Variants in NBEAL2 observed in about 807,000 individuals in gnomAD.
The protein encoded by NBEAL2 is neurobeachin-like protein 2.
NBEAL2 carries 160 observed loss-of-function variants against 299.8 expected under a neutral mutation model. The ratio of observed to expected loss-of-function variants is 0.53; its 90% confidence interval spans 0.47 to 0.61. NBEAL2 has a LOEUF of 0.61. Ranked by LOEUF, NBEAL2 falls within the 20% of genes least tolerant of loss-of-function variation. The pLI is 0.00. For missense variants in NBEAL2, 3,112 were observed against 3,649.0 expected, an observed-to-expected ratio of 0.85 and a Z score of 3.79; for synonymous variants, 1,493 against 1,542.3, an observed-to-expected ratio of 0.97 and a Z score of 0.75.
At position 46,995,047 on chromosome 3, in the gene NBEAL2, C is replaced by G; in HGVS notation, c.1312C>G (p.His438Asp). The change falls in exon 13 of 54, where the codon CAC becomes GAC. Residue 438 changes from histidine to aspartate, a missense_variant. Around this residue, in one of 3 missense-constraint regions of NBEAL2, gnomAD observed 2,243 missense variants for 2,538.1 expected, o/e 0.88. Coordinates refer to ENST00000450053, the MANE Select transcript of NBEAL2 (RefSeq NM_015175.3). ...CCACCCACAGGCTGTGGAGGGTGAC[C>G]ACAGCATGTGCCCACCTCCACCAAT... ...ELLNMAVEGD[H>D]SMCPPPPIRN... is the part of the protein sequence containing the mutation. The G allele has an allele frequency of 6.5e-7, 1 of 1,547,484 alleles. No homozygotes were observed. Among genetic ancestry groups the G allele is most frequent in the Non-Finnish European group, 8.8e-7 (1 of 1,140,342 alleles).
At chr3:46,992,935 C>T (rs1046445348) in intron 10 of NBEAL2, among the ~76,000 whole-genome samples, 4 of 152,206 alleles carry the variant, frequency 2.6e-5, no homozygotes, top group Non-Finnish European at 5.9e-5. Flanking sequence ...GATTCTTGCA[C>T]CCACCCTCAG....
rs528281960 is a variant in NBEAL2, at chr3:47,008,314, G to A, written c.7751G>A (p.Arg2584His). 1.6e-5 allele frequency: 26 copies of A among 1,613,210 alleles called. No homozygotes were observed. The highest frequency in any genetic ancestry group is 4.5e-5 in the East Asian group (2 of 44,864). Residue 2584 changes from arginine to histidine, a missense_variant, in exon 51 of 54, where the codon CGC (arginine) becomes CAC (histidine). This residue lies in a region of NBEAL2 where 348 missense variants were observed against 381.4 expected (regional missense o/e 0.91). Coordinates refer to ENST00000450053, the MANE Select transcript of NBEAL2 (RefSeq NM_015175.3). ...ACTGTGATCATACACACTGTACGCC[G>A]CGGACAGTTTGTAGCGGCACTACGG... Reference protein sequence around the residue: ...DGTVIIHTVRRGQFVAALRPL... With the variant: ...DGTVIIHTVRHGQFVAALRPL...
chr3:47,001,837 G>C lies in NBEAL2; in HGVS notation c.4782+11G>C. On this transcript the variant is annotated intron_variant, in intron 30 of 53. Coordinates refer to ENST00000450053, the MANE Select transcript of NBEAL2 (RefSeq NM_015175.3). This position sits in a 1 kb window ranked among gnomAD's most constrained non-coding sequence, Gnocchi z 6.1. ...CTGGAAGACCCACAGGTGAGCACAG[G>C]GTGAGCATGGGGGCAGGGGGCGTGT... is the stretch of plus-strand genomic sequence containing the variant. The C allele has an allele frequency of 6.2e-7, 1 of 1,613,294 alleles. No homozygotes were observed. Among genetic ancestry groups the C allele is most frequent in the Non-Finnish European group, 8.5e-7 (1 of 1,179,622 alleles).
At position 47,006,668 on chromosome 3, in the gene NBEAL2, TAGGGAGATCAGG is replaced by T. The variant is rs572874432; in HGVS notation, c.7134+229_7134+240del. Among the ~76,000 whole-genome samples the T allele has an allele frequency of 5.3e-3, 800 of 152,238 alleles. 6 individuals carry two copies. Among genetic ancestry groups the T allele is most frequent in the African/African-American group, 0.018 (747 of 41,538 alleles). On this transcript the variant is annotated intron_variant, in intron 45 of 53. Transcript: ENST00000450053. ...TCGACTCAACAAGCTCTGAAAGCCT[TAGGGAGATCAGG>T]AGGGAGATCTGTCCTTGGACCCCTT...
In NBEAL2 at chr3:46,997,543, C is replaced by T. The variant is rs1424873459; in HGVS notation, c.2825-18C>T. 1.3e-6 allele frequency: 2 copies of T among 1,586,144 alleles called. No homozygotes were observed. The highest frequency in any genetic ancestry group is 1.3e-5 in the African/African-American group (1 of 74,398). Reference sequence around the variant, plus strand: ...CAGGCCCTTGACACACATCTGTCCCCTTCCTGATGGCTGGCAGAGGAACGG... The same window carrying T: ...CAGGCCCTTGACACACATCTGTCCCTTTCCTGATGGCTGGCAGAGGAACGG... On this transcript the variant is annotated intron_variant, in intron 19 of 53. Coordinates refer to ENST00000450053, the MANE Select transcript of NBEAL2 (RefSeq NM_015175.3).
rs761617122 is a variant in NBEAL2 at position 47,001,869 on chromosome 3, T to G, written c.4782+43T>G. The G allele has an allele frequency of 6.2e-7, 1 of 1,609,462 alleles. No homozygotes were observed. Among genetic ancestry groups the G allele is most frequent in the Non-Finnish European group, 8.5e-7 (1 of 1,176,712 alleles). On this transcript the variant is annotated intron_variant, in intron 30 of 53. Transcript: ENST00000450053. The surrounding 1 kb of genome is among the most constrained non-coding windows in gnomAD (Gnocchi z 6.1). ...ATGGGGGCAGGGGGCGTGTGAGATGTCGGGAGCTCCAAGAGTGGCTGGGTG... is the reference window on the plus strand; with the variant it reads ...ATGGGGGCAGGGGGCGTGTGAGATGGCGGGAGCTCCAAGAGTGGCTGGGTG...
intron 47 of NBEAL2, 44 bp downstream of exon 47, chr3:47,007,394 C>G: frequency 5.8e-6 from 9 of 1,563,582 alleles, no homozygotes; most frequent in Non-Finnish European, 7.8e-6. Flanking sequence ...AAATGCCCTG[C>G]ACCCGGAATT....
rs1204710042 is a variant in NBEAL2, at chr3:47,000,530, G to A, written c.4305+126G>A. The A allele has an allele frequency of 4.9e-6, 6 of 1,231,530 alleles. No homozygotes were observed. Among genetic ancestry groups the A allele is most frequent in the Non-Finnish European group, 6.7e-6 (6 of 890,586 alleles). 76.3% of individuals were successfully genotyped at this position (1,231,530 alleles called of 1,614,324 possible). Reference sequence around the variant, plus strand: ...TGACCAGGGTTGCAGCCACTGGTCAGGCCTATTGCTGTCCCCTCATAGCTC... The same window carrying A: ...TGACCAGGGTTGCAGCCACTGGTCAAGCCTATTGCTGTCCCCTCATAGCTC... On this transcript the variant is annotated intron_variant, in intron 27 of 53. Coordinates refer to ENST00000450053, the MANE Select transcript of NBEAL2 (RefSeq NM_015175.3). This position sits in a 1 kb window ranked among gnomAD's most constrained non-coding sequence, Gnocchi z 4.5.
intron 15 of NBEAL2, 52 bp from the exon 16 acceptor site, chr3:46,996,219 G>A: frequency 6.3e-7 from 1 of 1,595,492 alleles, no homozygotes. Flanking sequence ...GTTGTAGGCG[G>A]AGCCCCAGGT....
chr3:46,992,050 C>T, intron 9 of NBEAL2, 104 bp downstream of exon 9: 1 of 1,021,570 alleles, frequency 9.8e-7, no homozygotes, highest in South Asian at 1.4e-5. Flanking sequence ...TGGACAGAGT[C>T]AGTGTTTTGC....
At position 46,991,687 on chromosome 3, in the gene NBEAL2, C is replaced by T. The variant is rs754360046; in HGVS notation, c.924C>T (p.Leu308=). The T allele has an allele frequency of 6.9e-6, 11 of 1,594,654 alleles. No homozygotes were observed. Among genetic ancestry groups the T allele is most frequent in the East Asian group, 2.2e-5 (1 of 44,590 alleles). ...TTGTCACCCTCCGGGTCAGCATGCT[C>T]GGTGGGTATGGGCTCCCAGGCTCTT... ...EALVTLRVSM[L]DAIPMMLACE... The change falls in exon 8 of 54, where the codon CTC becomes CTT. Residue 308 remains leucine, a splice_region_variant and synonymous_variant. Coordinates refer to ENST00000450053, the MANE Select transcript of NBEAL2 (RefSeq NM_015175.3). The surrounding 1 kb of genome is among the most constrained non-coding windows in gnomAD (Gnocchi z 6.2).
At position 46,995,725 on chromosome 3, in the gene NBEAL2, G is replaced by T. The variant is rs2036446333; in HGVS notation, c.1910G>T (p.Ser637Ile). 6.2e-7 allele frequency: 1 copy of T among 1,613,380 alleles called. No individual in the cohort carries two copies. Among genetic ancestry groups the T allele is most frequent in the South Asian group, 1.1e-5 (1 of 91,082 alleles). ...QRKQLYSFFT[S>I]SGSGFEAFFT... ...TTGCCTGCCCCCAGCTTCTTTACCA[G>T]CAGCGGCTCAGGGTTTGAGGCCTTC... Residue 637 changes from serine (S) to isoleucine (I), a missense_variant, in exon 14 of 54, where the codon AGC (serine) becomes ATC (isoleucine). Ser to Ile is a moderately radical substitution (Grantham distance 142). Transcript: ENST00000450053.
chr3:47,005,210 C>T lies in NBEAL2; in HGVS notation c.6449C>T (p.Thr2150Ile). The change falls in exon 40 of 54, where the codon ACC (threonine) becomes ATC (isoleucine). Residue 2150 changes from threonine (T) to isoleucine (I), a missense_variant. By Grantham distance (89) the Thr-to-Ile change is moderately conservative. Coordinates refer to ENST00000450053, the MANE Select transcript of NBEAL2 (RefSeq NM_015175.3). ...KYESFEDPAG[T>I]IDKFHYGTHY... ...GAAAGCTTTGAGGACCCAGCAGGGACCATTGACAAGTTCCACTATGGCACC... is the reference window on the plus strand; with the variant it reads ...GAAAGCTTTGAGGACCCAGCAGGGATCATTGACAAGTTCCACTATGGCACC... 1 of 1,613,756 alleles carries T rather than the reference C, an allele frequency of 6.2e-7. No homozygotes were observed. Among genetic ancestry groups the T allele is most frequent in the Non-Finnish European group, 8.5e-7 (1 of 1,179,886 alleles).
In NBEAL2 at chr3:46,995,255, C is replaced by A; in HGVS notation, c.1520C>A (p.Ala507Asp). The change falls in exon 13 of 54, where the codon GCC (alanine) becomes GAC (aspartate). Residue 507 changes from alanine (A) to aspartate (D), a missense_variant. Coordinates refer to ENST00000450053, the MANE Select transcript of NBEAL2 (RefSeq NM_015175.3). Reference sequence around the variant, plus strand: ...TTGGAGACACTCAGCACAGGGCTAGCCCTGGAGGCCCGCTGCCAAGAGCAG... The same window carrying A: ...TTGGAGACACTCAGCACAGGGCTAGACCTGGAGGCCCGCTGCCAAGAGCAG... ...CLLETLSTGL[A>D]LEARCQEQLL... The A allele has an allele frequency of 1.9e-6, 3 of 1,558,258 alleles. No individual in the cohort carries two copies. Among genetic ancestry groups the A allele is most frequent in the African/African-American group, 2.7e-5 (2 of 73,496 alleles).
chr3:46,997,271 T>A lies in NBEAL2; in HGVS notation c.2662T>A (p.Cys888Ser). The change falls in exon 19 of 54, where the codon TGC becomes AGC. Residue 888 changes from cysteine (C) to serine (S), a missense_variant. Transcript: ENST00000450053. ...CTCCTTCCCCCAGGATGTGGTGAACTGCGTTGGGGGTATGGGTGCCCTGCT... is the reference window on the plus strand; with the variant it reads ...CTCCTTCCCCCAGGATGTGGTGAACAGCGTTGGGGGTATGGGTGCCCTGCT... ...ETWDVKDVVN[C>S]VGGMGALLPL... The A allele has an allele frequency of 6.2e-7, 1 of 1,612,672 alleles. No homozygotes were observed. The highest frequency in any genetic ancestry group is 1.3e-5 in the African/African-American group (1 of 75,026).
chr3:46,989,664 C>T lies in NBEAL2; in HGVS notation c.556+71C>T. The T allele has an allele frequency of 7.3e-7, 1 of 1,368,162 alleles. No individual in the cohort carries two copies. Among genetic ancestry groups the T allele is most frequent in the Non-Finnish European group, 1.0e-6 (1 of 980,934 alleles). The allele number at this position is 1,368,162 out of a possible 1,614,324, so 84.8% of individuals were successfully genotyped here. A position where few individuals can be genotyped will look rare whatever the true frequency, so the allele number is the denominator to read the frequency against. On this transcript the variant is annotated intron_variant, in intron 6 of 53. Coordinates refer to ENST00000450053, the MANE Select transcript of NBEAL2 (RefSeq NM_015175.3). The surrounding 1 kb of genome is among the most constrained non-coding windows in gnomAD (Gnocchi z 5.5). ...GGCCCCTTCCTGTCGTTCCTTGATC[C>T]TGCCATACACAGGAACCACTTGGTG...
At position 47,000,499 on chromosome 3, in the gene NBEAL2, CCT is replaced by C; in HGVS notation, c.4305+96_4305+97del. On this transcript the variant is annotated intron_variant, in intron 27 of 53. Coordinates refer to ENST00000450053, the MANE Select transcript of NBEAL2 (RefSeq NM_015175.3). The surrounding 1 kb of genome is among the most constrained non-coding windows in gnomAD (Gnocchi z 4.5). ...AGTGTAGCCTCTCCAAAGGTGTGGCCCTGTCTGACCAGGGTTGCAGCCACTGG... is the reference window on the plus strand; with the variant it reads ...AGTGTAGCCTCTCCAAAGGTGTGGCCGTCTGACCAGGGTTGCAGCCACTGG... 2 of 1,467,142 alleles carry C rather than the reference CCT, an allele frequency of 1.4e-6. No homozygotes were observed. Among genetic ancestry groups the C allele is most frequent in the Non-Finnish European group, 1.8e-6 (2 of 1,093,022 alleles). The allele number at this position is 1,467,142 out of a possible 1,614,324, so 90.9% of individuals were successfully genotyped here.
Position 46,991,073 on chromosome 3 carries a change from G to A in NBEAL2, c.557-146G>A. The A allele has an allele frequency of 1.4e-6, 1 of 699,758 alleles. No homozygotes were observed. Among genetic ancestry groups the A allele is most frequent in the South Asian group, 1.7e-5 (1 of 57,586 alleles). The allele number at this position is 699,758 out of a possible 1,614,324, so 43.3% of individuals were successfully genotyped here. A position where few individuals can be genotyped will look rare whatever the true frequency, so the allele number is the denominator to read the frequency against. ...CTCCTTAGATGCCCCCCAGGGCAGA[G>A]CCAGCTCTTATCCCTCACACTGGAT... On this transcript the variant is annotated intron_variant, in intron 6 of 53. Transcript: ENST00000450053. This position sits in a 1 kb window ranked among gnomAD's most constrained non-coding sequence, Gnocchi z 6.2.
At chr3:46,980,520 AG>A (rs2107234032) in intron 1 of NBEAL2, among the ~76,000 whole-genome samples, 1 of 143,008 alleles carries the variant, frequency 7.0e-6, no homozygotes, top group East Asian at 2.4e-4. Flanking sequence ...CCCCATTCTG[AG>A]GGGTAGACCC....
Sources: gnomAD v4.1 joint callset for allele counts (sites outside exome capture counted in the v4.1 genomes callset) on GRCh38, gnomAD v4.1.1 for gene constraint, gnomAD v4.1.1 regional missense constraint, Gnocchi (gnomAD v3.1) non-coding constraint, MANE v1.5 for transcripts, NCBI Gene and HGNC (gene_info 2026-07-23, HGNC 2026-07-21) for gene names.